Variants in GHR observed in about 807,000 individuals in gnomAD.
The protein encoded by GHR is GH receptor.
In GHR, 35 loss-of-function variants were observed where a neutral mutation model predicts 67.1. The observed-to-expected ratio is 0.52, with a 90% CI of 0.40 to 0.69. The LOEUF is 0.69. Among genes scored for constraint, GHR ranks in the 30% least tolerant of loss-of-function variants. The pLI is 0.00. For synonymous variants in GHR, 272 were observed against 269.1 expected, an observed-to-expected ratio of 1.01 and a Z score of -0.10; for missense variants, 792 against 764.6, an observed-to-expected ratio of 1.04 and a Z score of -0.42.
chr5:42,565,461 C>T (rs570673004), intron 1 of GHR: 2 of 984,736 alleles, frequency 2.0e-6, no homozygotes, highest in Non-Finnish European at 2.4e-6. Flanking sequence ...CCTTTTATGG[C>T]CTGTCCAGCT....
chr5:42,503,830 C>A (rs1485796249), intron 1 of GHR, among the ~76,000 whole-genome samples: 1 of 151,556 alleles, frequency 6.6e-6, no homozygotes, highest in South Asian at 2.1e-4. Flanking sequence ...CATAAAAGGA[C>A]GAGGCTTATG....
intron 3 of GHR, among the ~76,000 whole-genome samples, chr5:42,633,932 C>T (rs1203450983): frequency 1.3e-5 from 2 of 152,156 alleles, no homozygotes; most frequent in Non-Finnish European, 2.9e-5. Context: ...CAACTTTATC[C>T]ACAAAGCTTT....
At chr5:42,503,972 G>A (rs1160355949) in intron 1 of GHR, among the ~76,000 whole-genome samples, 2 of 152,122 alleles carry the variant, frequency 1.3e-5, no homozygotes, top group Admixed American at 1.3e-4. Flanking sequence ...CTTTGGGAAA[G>A]CATTAAACTG....
intron 8 of GHR, 26 bp from the exon 9 acceptor site, chr5:42,718,026 A>G (rs2111861031): frequency 7.3e-7 from 1 of 1,372,518 alleles, no homozygotes; most frequent in Non-Finnish European, 1.0e-6. Flanking sequence ...TAAGATGTCA[A>G]AACCAAAATT....
chr5:42,451,720 C>G (rs1320770492), intron 1 of GHR, among the ~76,000 whole-genome samples: 1 of 133,384 alleles, frequency 7.5e-6, no homozygotes, highest in Non-Finnish European at 1.6e-5. Flanking sequence ...AAAAAAAAAA[C>G]CTACTCCTGC....
At chr5:42,501,396 C>T (rs1335241673) in intron 1 of GHR, among the ~76,000 whole-genome samples, 2 of 151,952 alleles carry the variant, frequency 1.3e-5, no homozygotes, top group Admixed American at 6.6e-5. Flanking sequence ...TCATTAGGCC[C>T]TAAATGATAT....
chr5:42,697,697 A>G (rs530749074), intron 5 of GHR, among the ~76,000 whole-genome samples: 6 of 152,292 alleles, frequency 3.9e-5, no homozygotes, highest in African/African-American at 1.4e-4. Context: ...CTACCCAACC[A>G]TTGCCAAAGA....
intron 1 of GHR, chr5:42,467,496 G>A (rs567882307): frequency 2.8e-6 from 3 of 1,075,726 alleles, no homozygotes; most frequent in African/African-American, 3.1e-5. Context: ...GGAGTTTCTG[G>A]TGCCGAGCAA....
chr5:42,559,350 G>C (rs1037872138), intron 1 of GHR, among the ~76,000 whole-genome samples: 7 of 152,068 alleles, frequency 4.6e-5, no homozygotes, highest in African/African-American at 1.4e-4. Context: ...AGACCAGCCT[G>C]GGCAACACAC....
At chr5:42,450,017 T>C (rs935694260) in intron 1 of GHR, among the ~76,000 whole-genome samples, 2 of 152,146 alleles carry the variant, frequency 1.3e-5, no homozygotes, top group Non-Finnish European at 2.9e-5. Context: ...TGATGTGTTA[T>C]CTTTTTTGAA....
chr5:42,680,348 A>C (rs916660393), intron 3 of GHR, among the ~76,000 whole-genome samples: 1 of 152,160 alleles, frequency 6.6e-6, no homozygotes, highest in Non-Finnish European at 1.5e-5. Context: ...TTCTCTTCTA[A>C]AACTGACCCT....
Position 42,629,879 on chromosome 5 carries a change from C to T in GHR, c.136+776C>T, listed in dbSNP as rs1467490040. 1.5e-5 allele frequency among the ~76,000 whole-genome samples: 2 copies of T among 131,968 alleles called. 1 individual carries two copies. Among genetic ancestry groups the T allele is most frequent in the Non-Finnish European group, 3.2e-5 (2 of 62,370 alleles). The allele number at this position is 131,968 out of a possible 152,430, so 86.6% of individuals were successfully genotyped here. On this transcript the variant is annotated intron_variant, in intron 3 of 9. Coordinates refer to ENST00000230882, the MANE Select transcript of GHR (RefSeq NM_000163.5). The stretch of plus-strand genomic sequence containing the variant: ...AGGTTTACACTGGTAGAAAGTTAAA[C>T]TTGTCTCTCCAACCAAATTGCCTTA...
Position 42,708,839 on chromosome 5 carries a change from C to T in GHR, c.619-2368C>T, listed in dbSNP as rs556360525. Among the ~76,000 whole-genome samples the T allele has an allele frequency of 3.9e-5, 6 of 152,256 alleles. 1 individual carries two copies. The highest frequency in any genetic ancestry group is 1.9e-4 in the East Asian group (1 of 5,182). Reference sequence around the variant, plus strand: ...CCCAACATGGCTTTGTTGCACTTTTCGTGGCACCTCTGCTAAATCTCGTTA... The same window carrying T: ...CCCAACATGGCTTTGTTGCACTTTTTGTGGCACCTCTGCTAAATCTCGTTA... On this transcript the variant is annotated intron_variant, in intron 6 of 9. Transcript: ENST00000230882.
At chr5:42,473,317 G>A (rs1182126110) in intron 1 of GHR, among the ~76,000 whole-genome samples, 2 of 152,004 alleles carry the variant, frequency 1.3e-5, no homozygotes, top group African/African-American at 4.8e-5. Context: ...TGCAACCTCC[G>A]CCTCCCAGGT....
chr5:42,532,320 G>T (rs1308964341), intron 1 of GHR, among the ~76,000 whole-genome samples: 5 of 151,394 alleles, frequency 3.3e-5, no homozygotes, highest in Admixed American at 3.3e-4. Flanking sequence ...CTAGGCAAAG[G>T]TATAGATTTG....
chr5:42,437,162 T>C (rs972949060), intron 1 of GHR, among the ~76,000 whole-genome samples: 7 of 152,212 alleles, frequency 4.6e-5, no homozygotes, highest in African/African-American at 1.7e-4. Context: ...TAAGCTGGGA[T>C]TGGCCAAAAG....
At chr5:42,634,222 A>G (rs1754060225) in intron 3 of GHR, among the ~76,000 whole-genome samples, 1 of 152,136 alleles carries the variant, frequency 6.6e-6, no homozygotes, top group Non-Finnish European at 1.5e-5. Flanking sequence ...TAAAGTAGTT[A>G]GAATAGTATC....
intron 1 of GHR, among the ~76,000 whole-genome samples, chr5:42,450,496 T>C (rs1744001046): frequency 6.6e-6 from 1 of 152,198 alleles, no homozygotes; most frequent in Non-Finnish European, 1.5e-5. Context: ...TTATTGAGCG[T>C]ATTCGGATCT....
intron 1 of GHR, among the ~76,000 whole-genome samples, chr5:42,503,523 T>C (rs111403380): frequency 2.6e-5 from 4 of 152,342 alleles, no homozygotes; most frequent in African/African-American, 9.6e-5. Flanking sequence ...AGAATGGCTT[T>C]GAAGACTGTT....
Sources: gnomAD v4.1 joint callset for allele counts (sites outside exome capture counted in the v4.1 genomes callset) on GRCh38, gnomAD v4.1.1 for gene constraint, MANE v1.5 for transcripts, NCBI Gene and HGNC (gene_info 2026-07-23, HGNC 2026-07-21) for gene names.